The following TXNRD1 variants were observed in gnomAD, a reference collection of about 807,000 sequenced individuals.
TXNRD1 encodes thioredoxin reductase 1.
Under a neutral mutation model 80.3 loss-of-function variants are expected in TXNRD1, and 57 were observed. That is an observed-to-expected ratio of 0.71 (90% CI 0.57 to 0.89). The LOEUF (loss-of-function observed/expected upper bound fraction) is 0.89, where lower values mean the gene tolerates loss of function less well. TXNRD1 is among the 40% of genes least tolerant of loss of function. The pLI, the probability that TXNRD1 is intolerant of heterozygous loss-of-function variation, is 0.00. For synonymous variants in TXNRD1, 291 were observed against 285.2 expected, an observed-to-expected ratio of 1.02 and a Z score of -0.20; for missense variants, 730 against 803.0, an observed-to-expected ratio of 0.91 and a Z score of 1.10.
chr12:104,309,203 TA>T (rs1367327552), intron 4 of TXNRD1, among the ~76,000 whole-genome samples: 2 of 152,182 alleles, frequency 1.3e-5, no homozygotes, highest in East Asian at 3.9e-4. Flanking sequence ...CTCAGTCTCA[TA>T]ATGTTTCATT....
intron 13 of TXNRD1, among the ~76,000 whole-genome samples, chr12:104,329,445 C>G (rs1166847791): frequency 1.3e-5 from 2 of 151,808 alleles, no homozygotes; most frequent in Non-Finnish European, 2.9e-5. Context: ...CCCAGGAATT[C>G]GAAACCAGCC....
In TXNRD1 at chr12:104,251,648, CAGT is replaced by C; in HGVS notation, c.216_218del (p.Ser72del). 1 of 1,613,970 alleles carries C rather than the reference CAGT, an allele frequency of 6.2e-7. No individual in the cohort carries two copies. Among genetic ancestry groups the C allele is most frequent in the South Asian group, 1.1e-5 (1 of 91,086 alleles). On this transcript the variant is annotated inframe_deletion, in exon 2 of 17. Coordinates refer to ENST00000525566, the MANE Select transcript of TXNRD1 (RefSeq NM_001093771.3). ...TAGATGGTCACTCTGTGGTCATCTT[CAGT>C]AGGTCCACATGCACACGCTGTACTG...
At chr12:104,343,777 GGCGAC>G (rs1174003494) in intron 16 of TXNRD1, among the ~76,000 whole-genome samples, 8 of 150,042 alleles carry the variant, frequency 5.3e-5, no homozygotes, top group East Asian at 3.9e-4. Context: ...CTCCAGCCTG[GGCGAC>G]AGTGAGACCC....
chr12:104,223,497 C>T (rs997588241), intron 1 of TXNRD1, among the ~76,000 whole-genome samples: 2 of 152,162 alleles, frequency 1.3e-5, no homozygotes, highest in African/African-American at 4.8e-5. Flanking sequence ...TAGCAAACAG[C>T]TCCCCACTCC....
At chr12:104,304,549 G>C (rs773102131) in intron 4 of TXNRD1, 1 of 1,614,036 alleles carries the variant, frequency 6.2e-7, no homozygotes, top group Non-Finnish European at 8.5e-7. Context: ...CTACAAAGTT[G>C]CAGAAGTTGG....
At chr12:104,340,541 C>T (rs1256381263) in intron 16 of TXNRD1, among the ~76,000 whole-genome samples, 1 of 152,192 alleles carries the variant, frequency 6.6e-6, no homozygotes, top group African/African-American at 2.4e-5. Context: ...AGAATCCTCC[C>T]TTGCCTCTTC....
At chr12:104,242,541 T>G (rs531728455) in intron 1 of TXNRD1, among the ~76,000 whole-genome samples, 1 of 150,328 alleles carries the variant, frequency 6.7e-6, no homozygotes, top group African/African-American at 2.4e-5. Flanking sequence ...AGAGTGAAAC[T>G]CCGTCTAAAA....
rs35505170 is a variant in TXNRD1, at chr12:104,331,707, T to G, written c.1650+66T>G. The G allele has an allele frequency of 2.2e-3, 2,300 of 1,041,896 alleles. 6 individuals are homozygous for G. The highest frequency in any genetic ancestry group is 3.0e-3 in the Non-Finnish European group (2,073 of 700,604). 64.5% of individuals were successfully genotyped at this position (1,041,896 alleles called of 1,614,324 possible). ...TTTTTTTTCTTCAGAATTTAAAATA[T>G]ATAGAAGACTTAAAAAATAGTACAA... On this transcript the variant is annotated intron_variant, in intron 14 of 16. Transcript: ENST00000525566.
At chr12:104,321,002 C>A in intron 9 of TXNRD1, 89 bp from the exon 10 acceptor site, 1 of 915,980 alleles carries the variant, frequency 1.1e-6, no homozygotes, top group Non-Finnish European at 1.7e-6. Flanking sequence ...ATGTTCTTGT[C>A]AAAGTAAAAA....
chr12:104,300,157 G>C (rs2034573594), intron 4 of TXNRD1, among the ~76,000 whole-genome samples: 1 of 152,194 alleles, frequency 6.6e-6, no homozygotes, highest in Non-Finnish European at 1.5e-5. Flanking sequence ...TATCACGTTT[G>C]TGTTGAGCAG....
chr12:104,325,904 G>T (rs897341670), intron 11 of TXNRD1, among the ~76,000 whole-genome samples: 1 of 151,694 alleles, frequency 6.6e-6, no homozygotes, highest in Non-Finnish European at 1.5e-5. Flanking sequence ...TTTGGTAAAC[G>T]GATGGCTTCA....
At chr12:104,300,531 C>G (rs1377277547) in intron 4 of TXNRD1, among the ~76,000 whole-genome samples, 1 of 152,162 alleles carries the variant, frequency 6.6e-6, no homozygotes, top group East Asian at 1.9e-4. Flanking sequence ...ATTAGTAGCA[C>G]TTGGACCTTA....
intron 10 of TXNRD1, among the ~76,000 whole-genome samples, chr12:104,323,791 T>G: frequency 1.5e-5 from 2 of 129,828 alleles, no homozygotes; most frequent in African/African-American, 2.8e-5. Flanking sequence ...ACGGGGCGGC[T>G]GGCCGGGCGG....
intron 9 of TXNRD1, among the ~76,000 whole-genome samples, chr12:104,320,762 G>A (rs1039871191): frequency 6.6e-6 from 1 of 152,050 alleles, no homozygotes; most frequent in Non-Finnish European, 1.5e-5. Flanking sequence ...GAGGATGGAG[G>A]TTAGGGTTTG....
intron 1 of TXNRD1, among the ~76,000 whole-genome samples, chr12:104,246,472 A>G (rs2032997656): frequency 6.6e-6 from 1 of 151,426 alleles, no homozygotes; most frequent in African/African-American, 2.4e-5. Context: ...TCCCCAAATT[A>G]TCAAGTCATC....
chr12:104,218,295 A>G (rs1239058730), intron 1 of TXNRD1, among the ~76,000 whole-genome samples: 2 of 152,134 alleles, frequency 1.3e-5, no homozygotes, highest in African/African-American at 4.8e-5. Flanking sequence ...AAGTGCTGGG[A>G]TTACAGGCTT....
intron 6 of TXNRD1, among the ~76,000 whole-genome samples, chr12:104,313,540 C>T (rs1019445118): frequency 6.6e-6 from 1 of 152,164 alleles, no homozygotes; most frequent in Non-Finnish European, 1.5e-5. Flanking sequence ...AGAACCCTGT[C>T]TACAAGCTAT....
intron 4 of TXNRD1, chr12:104,303,973 C>A: frequency 6.2e-7 from 1 of 1,605,318 alleles, no homozygotes; most frequent in South Asian, 1.1e-5. Context: ...CGGGCTGCTC[C>A]GACGACCTCA....
intron 4 of TXNRD1, among the ~76,000 whole-genome samples, chr12:104,301,528 G>A (rs1449762993): frequency 6.6e-6 from 1 of 152,024 alleles, no homozygotes; most frequent in African/African-American, 2.4e-5. Context: ...TAGTAGAGAC[G>A]GGGTTTCACC....
Sources: gnomAD v4.1 joint callset for allele counts (sites outside exome capture counted in the v4.1 genomes callset) on GRCh38, gnomAD v4.1.1 for gene constraint, MANE v1.5 for transcripts, NCBI Gene and HGNC (gene_info 2026-07-23, HGNC 2026-07-21) for gene names.